CHRDL1: variants seen among roughly 807,000 people sequenced by gnomAD.
CHRDL1 encodes chordin like 1, also known as chordin-like protein 1.
CHRDL1 carries 19 observed loss-of-function variants against 40.9 expected under a neutral mutation model. The observed-to-expected ratio is 0.46, with a 90% CI of 0.32 to 0.68. The LOEUF is 0.68. Ranked by LOEUF, CHRDL1 falls within the 30% of genes least tolerant of loss-of-function variation. The pLI is 0.03. For missense variants in CHRDL1, 329 were observed against 352.1 expected, an observed-to-expected ratio of 0.93 and a Z score of 0.53; for synonymous variants, 136 against 123.4, an observed-to-expected ratio of 1.10 and a Z score of -0.68.
intron 2 of CHRDL1, among the ~76,000 whole-genome samples, chrX:110,772,266 A>G (rs1369086976): frequency 8.9e-6 from 1 of 112,821 alleles, no homozygotes; most frequent in East Asian, 2.8e-4. Flanking sequence ...ATCTAATGAA[A>G]AATTTATATG....
In CHRDL1 at chrX:110,762,689, T is replaced by C. The variant is rs1227913138; in HGVS notation, c.207+6A>G. 3 of 1,071,496 alleles carry C rather than the reference T, an allele frequency of 2.8e-6. No homozygotes were observed. The highest frequency in any genetic ancestry group is 4.7e-5 in the Admixed American group (2 of 42,766). 88.3% of individuals were successfully genotyped at this position (1,071,496 alleles called of 1,213,427 possible). A position where few individuals can be genotyped will look rare whatever the true frequency, so the allele number is the denominator to read the frequency against. On this transcript the variant is annotated splice_donor_region_variant and intron_variant, in intron 3 of 11. Transcript: ENST00000372042. The stretch of plus-strand genomic sequence containing the variant: ...CTGGGAAATCACATGTCATGAGAGA[T>C]TGTACCTCTGAGCAGATGCAGTTCA...
intron 6 of CHRDL1, among the ~76,000 whole-genome samples, chrX:110,710,553 C>T (rs915342163): frequency 2.7e-5 from 3 of 112,325 alleles, no homozygotes; most frequent in Admixed American, 9.4e-5. Flanking sequence ...TGAAAGTCAA[C>T]GCTGTCCCAT....
chrX:110,704,230 C>A (rs1315762578), intron 6 of CHRDL1, among the ~76,000 whole-genome samples: 1 of 111,338 alleles, frequency 9.0e-6, no homozygotes, highest in Non-Finnish European at 1.9e-5. Context: ...CAAAACATAT[C>A]ATGTACCTCA....
chrX:110,775,131 C>A (rs913062780), intron 2 of CHRDL1, among the ~76,000 whole-genome samples: 21 of 111,404 alleles, frequency 1.9e-4, no homozygotes, highest in Non-Finnish European at 3.4e-4. Context: ...CACATTTCCA[C>A]GAATAGCCAT....
chrX:110,742,353 T>C (rs979564980), intron 4 of CHRDL1, among the ~76,000 whole-genome samples: 2 of 112,350 alleles, frequency 1.8e-5, no homozygotes, highest in Non-Finnish European at 3.8e-5. Context: ...TTCTCTAATG[T>C]ATACCTGAGC....
Position 110,751,703 on chromosome X carries a change from A to C in CHRDL1, c.301+7958T>G, listed in dbSNP as rs764037588. ...TAAATCAGTACAGCTACTATGGAAAACAGTATGGAGGCTTCTTAAAAAAGC... is the reference window on the plus strand; with the variant it reads ...TAAATCAGTACAGCTACTATGGAAACCAGTATGGAGGCTTCTTAAAAAAGC... On this transcript the variant is annotated intron_variant, in intron 4 of 11. Transcript: ENST00000372042. Among the ~76,000 whole-genome samples the C allele has an allele frequency of 2.1e-4, 23 of 111,836 alleles. 1 individual carries two copies. The highest frequency in any genetic ancestry group is 7.5e-5 in the Non-Finnish European group (4 of 53,128).
At chrX:110,737,189 T>C (rs926824636) in intron 4 of CHRDL1, among the ~76,000 whole-genome samples, 1 of 112,035 alleles carries the variant, frequency 8.9e-6, no homozygotes, top group African/African-American at 3.2e-5. Flanking sequence ...AGTACTTGAC[T>C]AGCTTACCTC....
chrX:110,778,890 A>G (rs907147620), intron 2 of CHRDL1, among the ~76,000 whole-genome samples: 1 of 112,076 alleles, frequency 8.9e-6, no homozygotes, highest in Non-Finnish European at 1.9e-5. Context: ...AAATGTGCAC[A>G]TATACACCAT....
intron 4 of CHRDL1, among the ~76,000 whole-genome samples, chrX:110,756,587 G>A (rs1355092277): frequency 9.0e-6 from 1 of 111,405 alleles, no homozygotes; most frequent in Non-Finnish European, 1.9e-5. Context: ...TCAGGCATGA[G>A]GCAGCCCAAA....
chrX:110,681,792 A>AT, intron 9 of CHRDL1, 143 bp from the exon 10 acceptor site: 2 of 482,422 alleles, frequency 4.1e-6, no homozygotes, highest in Non-Finnish European at 6.9e-6. Context: ...AGAGACAGAA[A>AT]TTCCACCCAT....
chrX:110,776,963 T>C (rs1321307019), intron 2 of CHRDL1, among the ~76,000 whole-genome samples: 1 of 111,171 alleles, frequency 9.0e-6, no homozygotes, highest in African/African-American at 3.3e-5. Context: ...AGAGAGCAAT[T>C]TTACTGCCCT....
intron 4 of CHRDL1, among the ~76,000 whole-genome samples, chrX:110,734,843 T>C (rs2071235125): frequency 8.9e-6 from 1 of 111,955 alleles, no homozygotes. Flanking sequence ...GCTACTGTAC[T>C]ATGGGTTTTA....
chrX:110,789,507 C>T (rs774150449), intron 2 of CHRDL1, among the ~76,000 whole-genome samples: 1 of 112,266 alleles, frequency 8.9e-6, no homozygotes, highest in Admixed American at 9.4e-5. Context: ...TCAATATCTA[C>T]AAATATAGAC....
At chrX:110,783,507 A>C (rs1283700700) in intron 2 of CHRDL1, among the ~76,000 whole-genome samples, 1 of 112,410 alleles carries the variant, frequency 8.9e-6, no homozygotes, top group South Asian at 3.7e-4. Flanking sequence ...GACATTACCA[A>C]GGAGAGAATT....
intron 2 of CHRDL1, among the ~76,000 whole-genome samples, chrX:110,763,590 CTCTA>C (rs200047885): frequency 1.9e-4 from 21 of 107,747 alleles, no homozygotes; most frequent in Middle Eastern, 4.9e-3. Context: ...GTCTCTGTCT[CTCTA>C]TCTATCTATC....
chrX:110,770,873 G>A (rs866932213), intron 2 of CHRDL1, among the ~76,000 whole-genome samples: 8 of 111,945 alleles, frequency 7.1e-5, no homozygotes, highest in Admixed American at 3.8e-4. Flanking sequence ...GAGACTGGGC[G>A]TGGTGGCTCA....
intron 4 of CHRDL1, among the ~76,000 whole-genome samples, chrX:110,746,599 C>T (rs1354254897): frequency 9.0e-6 from 1 of 111,582 alleles, no homozygotes; most frequent in African/African-American, 3.3e-5. Context: ...TAATTTAATG[C>T]CTTTTGCCTG....
At chrX:110,784,452 C>T (rs1400094318) in intron 2 of CHRDL1, among the ~76,000 whole-genome samples, 1 of 111,353 alleles carries the variant, frequency 9.0e-6, no homozygotes, top group Non-Finnish European at 1.9e-5. Context: ...TGCTCTGTCA[C>T]CCAGGCTGGA....
chrX:110,698,915 T>C (rs1443789018), intron 7 of CHRDL1, among the ~76,000 whole-genome samples: 1 of 111,509 alleles, frequency 9.0e-6, no homozygotes, highest in African/African-American at 3.3e-5. Flanking sequence ...CCTACCACAA[T>C]AAAAAATAGG....
Sources: allele counts gnomAD v4.1 joint callset (sites outside exome capture counted in the v4.1 genomes callset), GRCh38; gene constraint gnomAD v4.1.1; transcripts MANE v1.5; gene names NCBI Gene and HGNC (gene_info 2026-07-23, HGNC 2026-07-21).